LPIN2: variants seen among roughly 807,000 people sequenced by gnomAD.
LPIN2 encodes phosphatidate phosphatase LPIN2.
LPIN2 carries 55 observed loss-of-function variants against 111.4 expected under a neutral mutation model. The ratio of observed to expected loss-of-function variants is 0.49; its 90% CI spans 0.40 to 0.62. The LOEUF is 0.62. Among genes scored for constraint, LPIN2 ranks in the 20% least tolerant of loss-of-function variants. The pLI, the probability that LPIN2 is intolerant of heterozygous loss-of-function variation, is 0.00. For synonymous variants in LPIN2, 425 were observed against 414.0 expected, an observed-to-expected ratio of 1.03 and a Z score of -0.32; for missense variants, 992 against 1,112.1, an observed-to-expected ratio of 0.89 and a Z score of 1.54.
intron 2 of LPIN2, among the ~76,000 whole-genome samples, chr18:2,959,091 A>G (rs996406410): frequency 6.6e-6 from 1 of 152,206 alleles, no homozygotes; most frequent in African/African-American, 2.4e-5. Context: ...CAGAGAACCT[A>G]AACTATGGCT....
At chr18:2,945,569 GT>G (rs1289936988) in intron 4 of LPIN2, 1 of 1,511,242 alleles carries the variant, frequency 6.6e-7, no homozygotes, top group African/African-American at 1.4e-5. Flanking sequence ...TCGTCTTTTT[GT>G]TTTTCCTGCT....
At chr18:2,987,834 T>A (rs2078208477) in intron 1 of LPIN2, among the ~76,000 whole-genome samples, 2 of 150,916 alleles carry the variant, frequency 1.3e-5, no homozygotes, top group Non-Finnish European at 3.0e-5. Context: ...AGGTCAGGAG[T>A]TCAAGACCAG....
intron 1 of LPIN2, among the ~76,000 whole-genome samples, chr18:2,973,565 T>C (rs1157909142): frequency 6.6e-6 from 1 of 152,248 alleles, no homozygotes; most frequent in Non-Finnish European, 1.5e-5. Flanking sequence ...ATGTATCAAA[T>C]GTTTATCCAT....
intron 1 of LPIN2, among the ~76,000 whole-genome samples, chr18:3,009,025 A>T: frequency 6.6e-6 from 1 of 151,104 alleles, no homozygotes; most frequent in Non-Finnish European, 1.5e-5. Flanking sequence ...CCAGCACTTT[A>T]GGAGGCGAAA....
intron 1 of LPIN2, among the ~76,000 whole-genome samples, chr18:3,010,612 G>C (rs528080757): frequency 6.6e-6 from 1 of 152,240 alleles, no homozygotes; most frequent in South Asian, 2.1e-4. Context: ...ACTGGGGTCG[G>C]AGTAAAAAGA....
At chr18:2,958,141 C>CAAAAAAAAAAAAAAACAAAAAAA (rs2077642694) in intron 2 of LPIN2, among the ~76,000 whole-genome samples, 1 of 11,954 alleles carries the variant, frequency 8.4e-5, no homozygotes, top group African/African-American at 1.9e-4. Flanking sequence ...GACTCCATCT[C>CAAAAAAAAAAAAAAACAAAAAAA]AAAAAAAAAA....
At chr18:2,982,412 GA>G (rs144362294) in intron 1 of LPIN2, among the ~76,000 whole-genome samples, 135 of 151,414 alleles carry the variant, frequency 8.9e-4, no homozygotes, top group African/African-American at 2.9e-3. Flanking sequence ...TTTTTCCTAG[GA>G]AAAAAAAGTC....
At position 2,917,501 on chromosome 18, in the gene LPIN2, TC is replaced by T. The variant is rs2144094639; in HGVS notation, c.*2791del. On this transcript the variant is annotated 3_prime_UTR_variant, in exon 20 of 20. Transcript: ENST00000677752. ...CAGGCCCCACAGTTGCAGGGGCTGT[TC>T]CGGGCCAGCGCTTCCCAGTCATCCA... is the stretch of plus-strand genomic sequence containing the variant. 6.6e-6 allele frequency: 1 copy of T among 152,396 alleles called. No homozygotes were observed. Among genetic ancestry groups the T allele is most frequent in the South Asian group, 2.1e-4 (1 of 4,832 alleles). 9.4% of individuals were successfully genotyped at this position (152,396 alleles called of 1,614,324 possible).
chr18:2,962,528 A>C (rs1806788840), intron 1 of LPIN2, among the ~76,000 whole-genome samples: 1 of 152,204 alleles, frequency 6.6e-6, no homozygotes, highest in South Asian at 2.1e-4. Flanking sequence ...AATAAGAAAC[A>C]TAAAAAAAAA....
rs371146662 is a variant in LPIN2 at position 2,922,096 on chromosome 18, G to A, written c.2278C>T (p.Arg760Trp). ...CTGGGGGACAGCATCAGGGGGCCCC[G>A]GGGCAAGATTGTGCCCTTGTCATTG... ...WVNDKGTILPRGPLMLSPSSL... is the reference protein window; with the variant it reads ...WVNDKGTILPWGPLMLSPSSL... The change falls in exon 17 of 20, where the codon CGG (arginine) becomes TGG (tryptophan). Residue 760 changes from arginine to tryptophan, a missense_variant. By Grantham distance (101) the Arg-to-Trp change is moderately radical (BLOSUM62 -3). Around this residue, in one of 4 missense-constraint regions of LPIN2, gnomAD observed 185 missense variants for 186.5 expected, o/e 0.99. Transcript: ENST00000677752. 9.9e-6 allele frequency: 16 copies of A among 1,613,824 alleles called. No individual in the cohort carries two copies. The African/African-American group carries it at 1.3e-4, about 13-fold the overall frequency.
intron 1 of LPIN2, among the ~76,000 whole-genome samples, chr18:2,985,820 A>G (rs923256215): frequency 3.3e-5 from 5 of 152,228 alleles, no homozygotes; most frequent in African/African-American, 1.2e-4. Flanking sequence ...ACTCCCCCCC[A>G]GTGGCCATAC....
chr18:2,948,242 C>T (rs771830074), intron 4 of LPIN2: 1 of 152,184 alleles, frequency 6.6e-6, no homozygotes, highest in African/African-American at 2.4e-5. Context: ...CTCCTGAAAA[C>T]GACTGCAAGG....
At chr18:3,008,158 T>C (rs759410756) in intron 1 of LPIN2, among the ~76,000 whole-genome samples, 30 of 152,236 alleles carry the variant, frequency 2.0e-4, no homozygotes, top group Admixed American at 2.0e-4. Context: ...AACGGATGCT[T>C]AGGCTGGGCA....
intron 3 of LPIN2, among the ~76,000 whole-genome samples, chr18:2,952,716 T>C (rs1475061839): frequency 6.6e-6 from 1 of 152,212 alleles, no homozygotes; most frequent in African/African-American, 2.4e-5. Context: ...ATGATCTTTA[T>C]TTTACTTACT....
At chr18:2,996,576 C>T (rs1271063551) in intron 1 of LPIN2, among the ~76,000 whole-genome samples, 3 of 138,290 alleles carry the variant, frequency 2.2e-5, no homozygotes, top group Non-Finnish European at 4.6e-5. Flanking sequence ...CTCCCAGGTT[C>T]ATGCCATTCT....
In LPIN2 at chr18:2,973,201, A is replaced by C. The variant is rs1188472666; in HGVS notation, c.-9-12352T>G. 2.0e-5 allele frequency among the ~76,000 whole-genome samples: 3 copies of C among 152,222 alleles called. No individual in the cohort carries two copies. The East Asian group carries it at 5.8e-4, about 29-fold the overall frequency. On this transcript the variant is annotated intron_variant, in intron 1 of 19. Transcript: ENST00000677752. ...TCAAAATAGATTTTTCTTAAAACAA[A>C]AAAAAAAGCATACACTTTACAGGCA... is the stretch of plus-strand genomic sequence containing the variant.
intron 1 of LPIN2, among the ~76,000 whole-genome samples, chr18:3,006,836 CA>C (rs1164488272): frequency 0.053 from 6,745 of 128,138 alleles, 446 homozygotes; most frequent in African/African-American, 0.17. Context: ...GACTCTGTCT[CA>C]AAAAAAAAAA....
At chr18:2,967,529 T>C (rs2077827095) in intron 1 of LPIN2, 1 of 152,220 alleles carries the variant, frequency 6.6e-6, no homozygotes, top group African/African-American at 2.4e-5. Flanking sequence ...GCCCACATCG[T>C]GTAGGTGCTT....
Position 2,917,696 on chromosome 18 carries a change from C to CGAG in LPIN2, c.*2596_*2597insCTC, listed in dbSNP as rs2076990092. 6.6e-6 allele frequency: 1 copy of CGAG among 152,428 alleles called. No individual in the cohort carries two copies. The highest frequency in any genetic ancestry group is 1.5e-5 in the Non-Finnish European group (1 of 68,120). 9.4% of individuals were successfully genotyped at this position (152,428 alleles called of 1,614,324 possible). The stretch of plus-strand genomic sequence containing the variant: ...AGGCAGCCTGCATGCTCCAGGTCTA[C>CGAG]ACGAGCACCTCACAGCCTGACAAGG... On this transcript the variant is annotated 3_prime_UTR_variant, in exon 20 of 20. Transcript: ENST00000677752.
Sources: gnomAD v4.1 joint callset for allele counts (sites outside exome capture counted in the v4.1 genomes callset) on GRCh38, gnomAD v4.1.1 for gene constraint, gnomAD v4.1.1 regional missense constraint, MANE v1.5 for transcripts, NCBI Gene and HGNC (gene_info 2026-07-23, HGNC 2026-07-21) for gene names.